Variants in EPG5 observed in about 807,000 individuals in gnomAD.
The protein encoded by EPG5 is ectopic P granules protein 5 homolog.
EPG5 carries 159 observed loss-of-function variants against 302.7 expected under a neutral mutation model. The ratio of observed to expected loss-of-function variants is 0.53; its 90% CI spans 0.46 to 0.60. The LOEUF is 0.60. Among genes scored for constraint, EPG5 ranks in the 20% least tolerant of loss-of-function variants. The pLI is 0.00. For synonymous variants in EPG5, 1,158 were observed against 1,136.8 expected, an observed-to-expected ratio of 1.02 and a Z score of -0.37; for missense variants, 2,896 against 3,092.4, an observed-to-expected ratio of 0.94 and a Z score of 1.51.
intron 4 of EPG5, 68 bp from the exon 5 acceptor site, chr18:45,949,659 A>G (rs2050861346): frequency 2.0e-6 from 2 of 1,018,352 alleles, no homozygotes; most frequent in African/African-American, 3.2e-5. Flanking sequence ...GGGGTCTAGT[A>G]AAGTCATTTA....
At chr18:45,856,246 T>C (rs1732314066) in intron 42 of EPG5, among the ~76,000 whole-genome samples, 1 of 152,182 alleles carries the variant, frequency 6.6e-6, no homozygotes, top group African/African-American at 2.4e-5. Context: ...TGCTACAACA[T>C]AAATGAACCT....
At chr18:45,864,574 C>A (rs1007459850) in intron 39 of EPG5, among the ~76,000 whole-genome samples, 1 of 152,136 alleles carries the variant, frequency 6.6e-6, no homozygotes, top group African/African-American at 2.4e-5. Context: ...TATTACTTTG[C>A]TCATGGTACC....
the EPG5 span, among the ~76,000 whole-genome samples, chr18:45,837,251 T>A: frequency 6.6e-6 from 1 of 151,970 alleles, no homozygotes. Context: ...AAGAGGGGAA[T>A]AGTCCCAGGG....
At position 45,910,646 on chromosome 18, in the gene EPG5, A is replaced by C; in HGVS notation, c.4080T>G (p.Ala1360=). 1 of 1,614,186 alleles carries C rather than the reference A, an allele frequency of 6.2e-7. No individual in the cohort carries two copies. The highest frequency in any genetic ancestry group is 8.5e-7 in the Non-Finnish European group (1 of 1,180,034). The change falls in exon 23 of 44, where the codon GCT becomes GCG. Residue 1360 remains alanine, a synonymous_variant. Coordinates refer to ENST00000282041, the MANE Select transcript of EPG5 (RefSeq NM_020964.3). Reference sequence around the variant, plus strand: ...CCTTGCTTGCAGCATGGTGGAAGTCAGCCACCTCGGTCAAACGTCTCTTCA... The same window carrying C: ...CCTTGCTTGCAGCATGGTGGAAGTCCGCCACCTCGGTCAAACGTCTCTTCA... ...KEMKRRLTEV[A]DFHHAASKAL... is the part of the protein sequence containing the mutation.
chr18:45,900,928 T>C, intron 26 of EPG5, 68 bp downstream of exon 26: 1 of 1,529,942 alleles, frequency 6.5e-7, no homozygotes, highest in Non-Finnish European at 8.9e-7. Flanking sequence ...CCACTCCAGG[T>C]AGCAAATTAT....
intron 36 of EPG5, among the ~76,000 whole-genome samples, chr18:45,869,797 T>C (rs1318211537): frequency 2.0e-5 from 3 of 152,162 alleles, no homozygotes; most frequent in East Asian, 3.9e-4. Flanking sequence ...CCTTCATAAA[T>C]AACTGTAGAT....
At chr18:45,941,299 T>C (rs915995242) in intron 9 of EPG5, among the ~76,000 whole-genome samples, 5 of 152,178 alleles carry the variant, frequency 3.3e-5, no homozygotes, top group African/African-American at 1.2e-4. Flanking sequence ...AAGGCTGCTA[T>C]GTAAGCTGCG....
chr18:45,825,884 C>G, the EPG5 span: 1 of 1,384,670 alleles, frequency 7.2e-7, no homozygotes, highest in Non-Finnish European at 1.0e-6. Context: ...GTGTGCAGAG[C>G]CTCCAGGCCT....
At chr18:45,877,697 T>G (rs2049003166) in intron 34 of EPG5, among the ~76,000 whole-genome samples, 1 of 152,218 alleles carries the variant, frequency 6.6e-6, no homozygotes, top group African/African-American at 2.4e-5. Flanking sequence ...TGAGTTCTAG[T>G]CGCAGCTTCA....
chr18:45,906,394 C>T (rs75734529), intron 24 of EPG5, among the ~76,000 whole-genome samples: 2,101 of 152,268 alleles, frequency 0.014, 54 homozygotes, highest in African/African-American at 0.048. Flanking sequence ...TCATCTGCCC[C>T]GCCTCAGGTG....
intron 38 of EPG5, 37 bp downstream of exon 38, chr18:45,866,761 G>A: frequency 2.0e-6 from 3 of 1,522,460 alleles, no homozygotes; most frequent in Non-Finnish European, 2.7e-6. Context: ...CAATCTCCAG[G>A]AACAGTCTCT....
In EPG5 at chr18:45,870,754, A is replaced by G; in HGVS notation, c.6050-12T>C. On this transcript the variant is annotated splice_polypyrimidine_tract_variant and intron_variant, in intron 35 of 43. Transcript: ENST00000282041. ...TGGCAACAGCTTATCTAGAATGTGA[A>G]AAGAAAATAGAGCTGAAGACCTTTG... The G allele has an allele frequency of 1.3e-6, 2 of 1,579,262 alleles. No individual in the cohort carries two copies. Among genetic ancestry groups the G allele is most frequent in the Non-Finnish European group, 8.7e-7 (1 of 1,155,974 alleles).
chr18:45,869,701 T>G (rs2048829387), intron 36 of EPG5, among the ~76,000 whole-genome samples: 1 of 152,196 alleles, frequency 6.6e-6, no homozygotes, highest in Non-Finnish European at 1.5e-5. Context: ...CAGCTTTTCT[T>G]GCATTTCAGC....
chr18:45,806,186 A>G, the EPG5 span, among the ~76,000 whole-genome samples: 3 of 152,354 alleles, frequency 2.0e-5, no homozygotes, highest in East Asian at 5.8e-4. Flanking sequence ...CCAGGGATTA[A>G]TTTGCCAAAT....
chr18:45,837,081 G>A, the EPG5 span: 1 of 1,610,754 alleles, frequency 6.2e-7, no homozygotes, highest in African/African-American at 1.3e-5. Context: ...TCAACACAGA[G>A]GTGCACAGTA....
chr18:45,937,415 T>C (rs142588712), intron 10 of EPG5, among the ~76,000 whole-genome samples: 4,914 of 151,738 alleles, frequency 0.032, 234 homozygotes, highest in African/African-American at 0.11. Context: ...CACACATATA[T>C]ATATATTTTG....
At chr18:45,901,202 C>G (rs1424305860) in intron 25 of EPG5, 35 bp from the exon 26 acceptor site, 1 of 1,576,078 alleles carries the variant, frequency 6.3e-7, no homozygotes, top group African/African-American at 1.3e-5. Flanking sequence ...ACTGAGCAAT[C>G]AGGTGAATTA....
chr18:45,911,110 C>CAT (rs71373730), intron 22 of EPG5, among the ~76,000 whole-genome samples: 18,554 of 127,562 alleles, frequency 0.15, 1,480 homozygotes, highest in South Asian at 0.22. Context: ...CACACACACA[C>CAT]ATATATATAT....
At chr18:45,805,369 T>C in the EPG5 span, among the ~76,000 whole-genome samples, 22 of 151,068 alleles carry the variant, frequency 1.5e-4, no homozygotes, top group African/African-American at 5.3e-4. Context: ...CTCTCTGTAC[T>C]ATTTTTGCAA....
Sources: gnomAD v4.1 joint callset for allele counts (sites outside exome capture counted in the v4.1 genomes callset) on GRCh38, gnomAD v4.1.1 for gene constraint, MANE v1.5 for transcripts, NCBI Gene and HGNC (gene_info 2026-07-23, HGNC 2026-07-21) for gene names.